Variants in MDGA2 observed in about 807,000 individuals in gnomAD.
The protein encoded by MDGA2 is MAM domain containing glycosylphosphatidylinositol anchor 2, also known as MAM domain-containing glycosylphosphatidylinositol anchor protein 2.
A neutral mutation model predicts 117.8 loss-of-function variants in MDGA2; 40 were observed. The ratio of observed to expected loss-of-function variants is 0.34; its 90% CI spans 0.26 to 0.44. The LOEUF is 0.44. Among genes scored for constraint, MDGA2 ranks in the 20% least tolerant of loss-of-function variants. MDGA2 has a pLI of 1.00. For missense variants in MDGA2, 1,123 were observed against 1,250.6 expected (o/e 0.90, Z 1.54); for synonymous variants, 452 against 439.0 (o/e 1.03, Z -0.37).
chr14:47,229,264 T>A (rs894609708), intron 2 of MDGA2, among the ~76,000 whole-genome samples: 8 of 152,132 alleles, frequency 5.3e-5, no homozygotes, highest in Admixed American at 2.6e-4. Context: ...TCTCTGAAAT[T>A]CAAGTGTGAT....
intron 1 of MDGA2, among the ~76,000 whole-genome samples, chr14:47,553,796 T>C (rs945682906): frequency 1.3e-5 from 2 of 152,206 alleles, no homozygotes; most frequent in Non-Finnish European, 2.9e-5. Context: ...TTTTATTGCA[T>C]CTCTGAAACT....
chr14:47,588,237 G>GATAGAT (rs1431270006), intron 1 of MDGA2, among the ~76,000 whole-genome samples: 7 of 123,866 alleles, frequency 5.7e-5, no homozygotes, highest in African/African-American at 2.2e-4. Context: ...GAGATAGATA[G>GATAGAT]ATATATATAT....
chr14:47,458,591 T>C (rs758159501), intron 1 of MDGA2, among the ~76,000 whole-genome samples: 2 of 152,078 alleles, frequency 1.3e-5, no homozygotes, highest in African/African-American at 2.4e-5. Context: ...ATGTGTAGCA[T>C]TGTGACCATA....
chr14:47,185,349 T>G (rs1047033776), intron 3 of MDGA2, among the ~76,000 whole-genome samples: 1 of 151,496 alleles, frequency 6.6e-6, no homozygotes, highest in African/African-American at 2.4e-5. Context: ...ACTTAACATG[T>G]ATTATCTTAA....
chr14:47,109,447 C>T (rs1880914627), intron 5 of MDGA2, among the ~76,000 whole-genome samples: 1 of 152,052 alleles, frequency 6.6e-6, no homozygotes, highest in Admixed American at 6.6e-5. Flanking sequence ...GACATTTGCC[C>T]CTATGCTTTC....
At chr14:46,991,498 C>A (rs1350944212) in intron 8 of MDGA2, among the ~76,000 whole-genome samples, 1 of 152,098 alleles carries the variant, frequency 6.6e-6, no homozygotes, top group Admixed American at 6.6e-5. Flanking sequence ...GTCAAAGCAG[C>A]AAAGTTTAGT....
intron 3 of MDGA2, among the ~76,000 whole-genome samples, chr14:47,212,788 T>C (rs1379960288): frequency 6.6e-6 from 1 of 152,182 alleles, no homozygotes; most frequent in Non-Finnish European, 1.5e-5. Flanking sequence ...TTTCATTTCA[T>C]ATAGCTTTTT....
chr14:47,431,573 C>G lies in MDGA2; in HGVS notation c.281-130023G>C, dbSNP rs536084743. ...TACAAGAGGTAAATCCAGGTCTTGG[C>G]TTTACTACTAACTGTGCTTTGAAGA... is the stretch of plus-strand genomic sequence containing the variant. On this transcript the variant is annotated intron_variant, in intron 1 of 16. Coordinates refer to ENST00000399232, the MANE Select transcript of MDGA2 (RefSeq NM_001113498.3). Among the ~76,000 whole-genome samples the G allele has an allele frequency of 2.0e-5, 3 of 152,116 alleles. No individual in the cohort carries two copies. The East Asian group carries it at 5.8e-4, about 29-fold the overall frequency.
chr14:47,530,676 T>C (rs1397921185), intron 1 of MDGA2, among the ~76,000 whole-genome samples: 1 of 151,958 alleles, frequency 6.6e-6, no homozygotes, highest in Admixed American at 6.6e-5. Context: ...GGACCCCCTA[T>C]CTTGTGTGTG....
At chr14:47,317,762 C>T (rs940255362) in intron 1 of MDGA2, among the ~76,000 whole-genome samples, 2 of 152,088 alleles carry the variant, frequency 1.3e-5, no homozygotes, top group Non-Finnish European at 2.9e-5. Context: ...AGAACACATA[C>T]ATCACGTTTA....
intron 2 of MDGA2, among the ~76,000 whole-genome samples, chr14:47,289,010 C>T (rs72682118): frequency 0.091 from 13,863 of 151,918 alleles, 785 homozygotes; most frequent in Non-Finnish European, 0.11. Context: ...TTACCACTGA[C>T]GGCATATTCC....
intron 1 of MDGA2, among the ~76,000 whole-genome samples, chr14:47,648,981 A>G (rs182231876): frequency 3.9e-5 from 6 of 152,298 alleles, no homozygotes; most frequent in African/African-American, 1.4e-4. Flanking sequence ...CTTAAAAATG[A>G]TGGTTTATAT....
intron 6 of MDGA2, among the ~76,000 whole-genome samples, chr14:47,075,308 C>A (rs951745350): frequency 1.3e-5 from 2 of 152,194 alleles, no homozygotes; most frequent in African/African-American, 2.4e-5. Flanking sequence ...CTTCATATTG[C>A]TGTCTTCCTG....
intron 1 of MDGA2, among the ~76,000 whole-genome samples, chr14:47,360,464 G>T (rs1489242345): frequency 2.6e-5 from 4 of 151,822 alleles, no homozygotes; most frequent in African/African-American, 9.7e-5. Flanking sequence ...ATAAAAATGG[G>T]CAACGGGTAT....
chr14:47,301,172 A>C (rs1405734944), intron 2 of MDGA2, among the ~76,000 whole-genome samples: 3 of 152,118 alleles, frequency 2.0e-5, no homozygotes, highest in Admixed American at 2.0e-4. Context: ...ACCAAAACAA[A>C]AATTTCTTTT....
intron 3 of MDGA2, among the ~76,000 whole-genome samples, chr14:47,195,627 C>T (rs767491251): frequency 6.6e-6 from 1 of 151,998 alleles, no homozygotes; most frequent in Non-Finnish European, 1.5e-5. Flanking sequence ...TAAGTTCAAG[C>T]AGTTCATTGA....
intron 1 of MDGA2, among the ~76,000 whole-genome samples, chr14:47,520,470 T>C (rs956273136): frequency 1.3e-5 from 2 of 152,190 alleles, no homozygotes; most frequent in African/African-American, 4.8e-5. Flanking sequence ...CTGCATATTA[T>C]GAACCCATGT....
intron 8 of MDGA2, among the ~76,000 whole-genome samples, chr14:46,980,521 T>C (rs949270599): frequency 3.9e-5 from 6 of 152,212 alleles, no homozygotes; most frequent in Admixed American, 2.0e-4. Flanking sequence ...TTTGAGAGGA[T>C]TGACTCCAAT....
At chr14:47,039,672 TTAAA>T (rs1242964945) in intron 7 of MDGA2, among the ~76,000 whole-genome samples, 1 of 152,182 alleles carries the variant, frequency 6.6e-6, no homozygotes, top group Non-Finnish European at 1.5e-5. Flanking sequence ...AATGGAGTTG[TTAAA>T]TAAATCATAA....
Sources: gnomAD v4.1 joint callset for allele counts (sites outside exome capture counted in the v4.1 genomes callset) on GRCh38, gnomAD v4.1.1 for gene constraint, MANE v1.5 for transcripts, NCBI Gene and HGNC (gene_info 2026-07-23, HGNC 2026-07-21) for gene names.